Variants in USP34 observed in about 807,000 individuals in gnomAD.
The protein encoded by USP34 is ubiquitin carboxyl-terminal hydrolase 34.
A neutral mutation model predicts 460.3 loss-of-function variants in USP34; 70 were observed. The observed-to-expected ratio is 0.15, with a 90% confidence interval of 0.13 to 0.19. The LOEUF is 0.19. Among genes scored for constraint, USP34 ranks in the 10% least tolerant of loss-of-function variants. USP34 has a pLI of 1.00. For synonymous variants in USP34, 1,647 were observed against 1,405.3 expected (o/e 1.17, Z -3.85); for missense variants, 3,985 against 4,236.2 (o/e 0.94, Z 1.65).
In USP34 at chr2:61,278,296, GAA is replaced by G; in HGVS notation, c.5313-13_5313-12del. 1 of 1,607,480 alleles carries G rather than the reference GAA, an allele frequency of 6.2e-7. No individual in the cohort carries two copies. The highest frequency in any genetic ancestry group is 8.5e-7 in the Non-Finnish European group (1 of 1,177,838). The stretch of plus-strand genomic sequence containing the variant: ...TCAAGGATCTCCCTACTACAAAAAA[GAA>G]AAAAAATACACACAAGCAAGATAGT... On this transcript the variant is annotated splice_polypyrimidine_tract_variant and intron_variant, in intron 40 of 79. Coordinates refer to ENST00000398571, the MANE Select transcript of USP34 (RefSeq NM_014709.4).
chr2:61,283,067 T>G (rs1689582460), intron 37 of USP34, 78 bp downstream of exon 37: 1 of 1,484,166 alleles, frequency 6.7e-7, no homozygotes, highest in East Asian at 2.3e-5. Flanking sequence ...TTTGTTTCCA[T>G]TAGCTCTTTT....
At chr2:61,286,143 TA>T (rs1404235858) in intron 34 of USP34, among the ~76,000 whole-genome samples, 4 of 152,124 alleles carry the variant, frequency 2.6e-5, no homozygotes, top group Admixed American at 6.5e-5. Flanking sequence ...AAAATGCTAT[TA>T]AAAAGATCAC....
At chr2:61,223,216 A>T in intron 63 of USP34, 32 bp downstream of exon 63, 2 of 1,613,714 alleles carry the variant, frequency 1.2e-6, no homozygotes, top group Non-Finnish European at 1.7e-6. Context: ...TTTTGTGATG[A>T]TCAAATTGTC....
intron 49 of USP34, 141 bp downstream of exon 49, chr2:61,248,370 T>A: frequency 1.3e-6 from 1 of 743,332 alleles, no homozygotes; most frequent in Non-Finnish European, 2.1e-6. Flanking sequence ...ACTGACTGAA[T>A]GCATGACATT....
intron 1 of USP34, among the ~76,000 whole-genome samples, chr2:61,441,611 A>G (rs944754868): frequency 6.6e-6 from 1 of 151,812 alleles, no homozygotes; most frequent in Non-Finnish European, 1.5e-5. Context: ...TGCTCCTGCC[A>G]CCACTCAACA....
At chr2:61,294,201 C>T (rs1294146268) in intron 32 of USP34, among the ~76,000 whole-genome samples, 1 of 151,832 alleles carries the variant, frequency 6.6e-6, no homozygotes, top group Non-Finnish European at 1.5e-5. Context: ...AAAAAATTAG[C>T]CGGGTGTGGT....
chr2:61,362,043 C>A (rs920747507), intron 10 of USP34, among the ~76,000 whole-genome samples: 4 of 151,956 alleles, frequency 2.6e-5, no homozygotes, highest in African/African-American at 9.7e-5. Context: ...AAAAGACAAA[C>A]AAATAGCCAA....
At chr2:61,417,940 C>T (rs968775421) in intron 2 of USP34, among the ~76,000 whole-genome samples, 7 of 151,144 alleles carry the variant, frequency 4.6e-5, no homozygotes, top group Admixed American at 1.3e-4. Flanking sequence ...AGGGTTTCAC[C>T]GTGTTGACCA....
Position 61,348,977 on chromosome 2 carries a change from T to C in USP34, c.1544-91A>G, listed in dbSNP as rs537719517. On this transcript the variant is annotated intron_variant, in intron 13 of 79. Transcript: ENST00000398571. ...TTATCATTTGATTCCTTGACCTAGT[T>C]ACCAAAGCTTTATGCTAAGTAGCCA... 93 of 1,400,888 alleles carry C rather than the reference T, an allele frequency of 6.6e-5. No individual in the cohort carries two copies. In the African/African-American group the frequency reaches 1.3e-3, roughly 20 times the overall value. The allele number at this position is 1,400,888 out of a possible 1,614,324, so 86.8% of individuals were successfully genotyped here.
Position 61,266,171 on chromosome 2 carries a change from G to C in USP34, c.5434-4C>G, listed in dbSNP as rs772717568. ...TGAAGATATCTCTCAAAAATTCCTGGGGAGTAAAAGGAAACATGTTATCTA... is the reference window on the plus strand; with the variant it reads ...TGAAGATATCTCTCAAAAATTCCTGCGGAGTAAAAGGAAACATGTTATCTA... On this transcript the variant is annotated splice_polypyrimidine_tract_variant and splice_region_variant and intron_variant, in intron 41 of 79. Transcript: ENST00000398571. The C allele has an allele frequency of 4.4e-6, 7 of 1,602,354 alleles. No homozygotes were observed. The highest frequency in any genetic ancestry group is 6.0e-6 in the Non-Finnish European group (7 of 1,171,196).
intron 49 of USP34, among the ~76,000 whole-genome samples, chr2:61,248,015 T>G (rs937171686): frequency 2.0e-5 from 3 of 151,904 alleles, no homozygotes; most frequent in African/African-American, 7.3e-5. Flanking sequence ...GGCGAAACCT[T>G]GTCTCTACTA....
intron 6 of USP34, among the ~76,000 whole-genome samples, chr2:61,382,520 A>G (rs1372817389): frequency 6.6e-6 from 1 of 152,194 alleles, no homozygotes; most frequent in Non-Finnish European, 1.5e-5. Flanking sequence ...ACACTAACTT[A>G]CTTGCATAGC....
In USP34 at chr2:61,325,510, T is replaced by C. The variant is rs183488108; in HGVS notation, c.2931-53A>G. 3,797 of 1,252,256 alleles carry C rather than the reference T, an allele frequency of 3.0e-3. 25 individuals are homozygous for C. Among genetic ancestry groups the C allele is most frequent in the South Asian group, 0.011 (664 of 58,378 alleles). The allele number at this position is 1,252,256 out of a possible 1,614,324, so 77.6% of individuals were successfully genotyped here. On this transcript the variant is annotated intron_variant, in intron 20 of 79. Transcript: ENST00000398571. ...TAAATATCCTATTTCTTAATTACTT[T>C]TAAAAATTTAGTGGTCCTATGCATA...
Position 61,295,265 on chromosome 2 carries a change from T to C in USP34, c.4280A>G (p.Glu1427Gly). Residue 1427 changes from glutamate to glycine, a missense_variant, in exon 31 of 80, where the codon GAA becomes GGA. Glu to Gly is a moderately conservative substitution (Grantham distance 98). Transcript: ENST00000398571. The part of the protein sequence containing the change: ...EQSNDGFNWK[E>G]LLKIKSAHKL... Reference sequence around the variant, plus strand: ...GTGGGCGCTCTTAATTTTGAGAAGTTCTTTCCAATTAAATCCATCATTACT... The same window carrying C: ...GTGGGCGCTCTTAATTTTGAGAAGTCCTTTCCAATTAAATCCATCATTACT... 6.2e-7 allele frequency: 1 copy of C among 1,606,512 alleles called. No homozygotes were observed. The highest frequency in any genetic ancestry group is 8.5e-7 in the Non-Finnish European group (1 of 1,177,326).
chr2:61,410,939 G>GA (rs1276314291), intron 2 of USP34, among the ~76,000 whole-genome samples: 4 of 152,100 alleles, frequency 2.6e-5, no homozygotes, highest in African/African-American at 4.8e-5. Flanking sequence ...GCCTGAGGCA[G>GA]AAAATAAGAC....
intron 57 of USP34, 152 bp downstream of exon 57, chr2:61,235,693 A>T (rs1470905101): frequency 5.9e-6 from 4 of 683,360 alleles, no homozygotes; most frequent in African/African-American, 5.5e-5. Flanking sequence ...TATATAAATT[A>T]TAACTTTCTC....
At chr2:61,277,133 TGAC>T (rs1433804870) in intron 41 of USP34, among the ~76,000 whole-genome samples, 1 of 152,132 alleles carries the variant, frequency 6.6e-6, no homozygotes, top group Non-Finnish European at 1.5e-5. Flanking sequence ...TACCCAATAA[TGAC>T]TACTTACTAA....
At chr2:61,414,768 A>C (rs1218020357) in intron 2 of USP34, among the ~76,000 whole-genome samples, 1 of 152,224 alleles carries the variant, frequency 6.6e-6, no homozygotes, top group African/African-American at 2.4e-5. Context: ...TCTGGGGTTT[A>C]AATACCCTCT....
chr2:61,332,624 T>C (rs1380829836), intron 19 of USP34, among the ~76,000 whole-genome samples: 1 of 151,980 alleles, frequency 6.6e-6, no homozygotes, highest in Non-Finnish European at 1.5e-5. Context: ...TTTACTGCAT[T>C]AGAATTTTGA....
Sources: gnomAD v4.1 joint callset for allele counts (sites outside exome capture counted in the v4.1 genomes callset) on GRCh38, gnomAD v4.1.1 for gene constraint, MANE v1.5 for transcripts, NCBI Gene and HGNC (gene_info 2026-07-23, HGNC 2026-07-21) for gene names.